Variants in PRXL2A observed in about 807,000 individuals in gnomAD.
PRXL2A encodes the protein peroxiredoxin-like 2A.
PRXL2A carries 26 observed loss-of-function variants against 25.6 expected under a neutral mutation model. That is an observed-to-expected ratio of 1.02 (90% CI 0.74 to 1.41). The LOEUF is 1.41. PRXL2A is among the 40% of genes most tolerant of loss of function. PRXL2A has a pLI of 0.00. For missense variants in PRXL2A, 246 were observed against 273.9 expected, an observed-to-expected ratio of 0.90 and a Z score of 0.72; for synonymous variants, 98 against 102.9, an observed-to-expected ratio of 0.95 and a Z score of 0.29.
In PRXL2A at chr10:80,425,926, G is replaced by A. The variant is rs556273297; in HGVS notation, c.331G>A (p.Ala111Thr). Reference sequence around the variant, plus strand: ...GGACCAGCTGGGCGTCCCCCTCTATGCAGTGGTAAAGGAGCACATCAGGAC... The same window carrying A: ...GGACCAGCTGGGCGTCCCCCTCTATACAGTGGTAAAGGAGCACATCAGGAC... The part of the protein sequence containing the change: ...MLDQLGVPLY[A>T]VVKEHIRTEV... Residue 111 changes from alanine (A) to threonine (T), a missense_variant, in exon 4 of 6, where the codon GCA (alanine) becomes ACA (threonine). Transcript: ENST00000606162. 46 of 1,614,232 alleles carry A rather than the reference G, an allele frequency of 2.8e-5. 1 individual carries two copies. In the South Asian group the frequency reaches 4.6e-4, roughly 16 times the overall value.
In PRXL2A at chr10:80,434,508, G is replaced by A. The variant is rs10887868; in HGVS notation, c.*2409G>A. 0.35 allele frequency: 53,096 copies of A among 152,034 alleles called. 10,910 individuals are homozygous for A. Among genetic ancestry groups the A allele is most frequent in the East Asian group, 0.81 (4,195 of 5,156 alleles). 9.4% of individuals were successfully genotyped at this position (152,034 alleles called of 1,614,324 possible). ...AAAATGGAGACTTAAAAAGCTGGACGCTAAAGGCAATAATGACAGATTTTA... is the reference window on the plus strand; with the variant it reads ...AAAATGGAGACTTAAAAAGCTGGACACTAAAGGCAATAATGACAGATTTTA... On this transcript the variant is annotated 3_prime_UTR_variant, in exon 6 of 6. Coordinates refer to ENST00000606162, the MANE Select transcript of PRXL2A (RefSeq NM_032333.5).
intron 3 of PRXL2A, 111 bp downstream of exon 3, chr10:80,422,619 G>T: frequency 7.3e-6 from 5 of 685,674 alleles, no homozygotes; most frequent in East Asian, 2.7e-5. Context: ...TTACCCACAT[G>T]TTCTGTTCTG....
intron 2 of PRXL2A, among the ~76,000 whole-genome samples, chr10:80,421,067 G>C (rs937156395): frequency 1.3e-5 from 2 of 152,196 alleles, no homozygotes; most frequent in Non-Finnish European, 2.9e-5. Flanking sequence ...AGGAGTTCCT[G>C]AGTGAACAAG....
intron 1 of PRXL2A, among the ~76,000 whole-genome samples, chr10:80,419,577 G>A (rs2131891099): frequency 6.6e-6 from 1 of 151,730 alleles, no homozygotes; most frequent in South Asian, 2.1e-4. Context: ...CAAAGTGCTG[G>A]GATTACAGGC....
intron 1 of PRXL2A, among the ~76,000 whole-genome samples, chr10:80,417,908 A>G (rs927909873): frequency 1.3e-5 from 2 of 151,434 alleles, no homozygotes; most frequent in African/African-American, 4.9e-5. Context: ...GGGTCCTCCC[A>G]TGTTGTCCAG....
upstream of PRXL2A, chr10:80,408,080 T>C (rs1844332563): frequency 6.6e-6 from 1 of 151,746 alleles, no homozygotes; most frequent in South Asian, 2.1e-4. Flanking sequence ...GGGTGGAGGA[T>C]TGAGGTTGGA....
At chr10:80,426,865 T>C (rs977664733) in intron 4 of PRXL2A, among the ~76,000 whole-genome samples, 1 of 152,054 alleles carries the variant, frequency 6.6e-6, no homozygotes, top group African/African-American at 2.4e-5. Flanking sequence ...CTGGATTGGC[T>C]GGGCATGGTG....
intron 1 of PRXL2A, among the ~76,000 whole-genome samples, chr10:80,413,219 C>T (rs10749595): frequency 0.79 from 118,704 of 150,728 alleles, 47,568 homozygotes; most frequent in East Asian, 0.97. Context: ...ACAACCAAGA[C>T]ACCTACAAAA....
At chr10:80,419,387 A>G (rs1310747179) in intron 1 of PRXL2A, among the ~76,000 whole-genome samples, 2 of 143,288 alleles carry the variant, frequency 1.4e-5, no homozygotes, top group African/African-American at 5.2e-5. Context: ...GGCTCACCGC[A>G]ACCTCCGCCT....
chr10:80,416,536 CCTT>C (rs1418420373), intron 1 of PRXL2A, among the ~76,000 whole-genome samples: 1 of 152,106 alleles, frequency 6.6e-6, no homozygotes, highest in African/African-American at 2.4e-5. Flanking sequence ...ATCAGGGAAG[CCTT>C]CTTAAAGAGG....
At chr10:80,410,877 C>T (rs893645834) in intron 1 of PRXL2A, among the ~76,000 whole-genome samples, 8 of 152,176 alleles carry the variant, frequency 5.3e-5, no homozygotes, top group Admixed American at 1.3e-4. Flanking sequence ...GGCCCTACAG[C>T]TTGAGGAAAC....
chr10:80,422,415 A>G lies in PRXL2A; in HGVS notation c.179-2A>G. On this transcript the variant is annotated splice_acceptor_variant, in intron 2 of 5. Coordinates refer to ENST00000606162, the MANE Select transcript of PRXL2A (RefSeq NM_032333.5). LOFTEE classifies it high-confidence loss of function. ...ATCGAATTTCTTTTTTTCCTCTCTT[A>G]GAACCAAGGACTTTCAAAGCAAAGG... 6.2e-7 allele frequency: 1 copy of G among 1,612,914 alleles called. No individual in the cohort carries two copies. The highest frequency in any genetic ancestry group is 8.5e-7 in the Non-Finnish European group (1 of 1,178,936).
At chr10:80,425,390 G>A (rs1300441294) in intron 3 of PRXL2A, among the ~76,000 whole-genome samples, 1 of 152,190 alleles carries the variant, frequency 6.6e-6, no homozygotes, top group Non-Finnish European at 1.5e-5. Flanking sequence ...AGAAACATTT[G>A]GGAATGTAAG....
chr10:80,411,715 G>A (rs117697002), intron 1 of PRXL2A, among the ~76,000 whole-genome samples: 110 of 152,344 alleles, frequency 7.2e-4, no homozygotes, highest in Middle Eastern at 6.8e-3. Flanking sequence ...AGAGAAGGAA[G>A]ATGAAGCATC....
chr10:80,423,615 C>A (rs185753207), intron 3 of PRXL2A, among the ~76,000 whole-genome samples: 1 of 152,290 alleles, frequency 6.6e-6, no homozygotes, highest in Admixed American at 6.5e-5. Context: ...AGTACCCTAC[C>A]CCCAGGGCAC....
In PRXL2A at chr10:80,434,878, G is replaced by GAA. The variant is rs1174757381; in HGVS notation, c.*2781_*2782dup. The GAA allele has an allele frequency of 6.6e-6, 1 of 152,214 alleles. No individual in the cohort carries two copies. The highest frequency in any genetic ancestry group is 1.5e-5 in the Non-Finnish European group (1 of 68,038). 9.4% of individuals were successfully genotyped at this position (152,214 alleles called of 1,614,324 possible). A position where few individuals can be genotyped will look rare whatever the true frequency, so the allele number is the denominator to read the frequency against. On this transcript the variant is annotated 3_prime_UTR_variant, in exon 6 of 6. Coordinates refer to ENST00000606162, the MANE Select transcript of PRXL2A (RefSeq NM_032333.5). ...GATACATATATCCCCCAAAGGGACA[G>GAA]AAAGGATTTACAATTGTAAATTTTA...
Position 80,420,105 on chromosome 10 carries a change from A to G in PRXL2A, c.-2-361A>G, listed in dbSNP as rs76950171. 1.9e-3 allele frequency: 1,928 copies of G among 990,926 alleles called. 20 individuals carry two copies. In the African/African-American group the frequency reaches 0.03, roughly 15 times the overall value. The allele number at this position is 990,926 out of a possible 1,614,324, so 61.4% of individuals were successfully genotyped here. Reference sequence around the variant, plus strand: ...GCATTGATGAGGAGGGGAATGAGGAAGTAGTCTGCCTACAGGGGACATAGC... The same window carrying G: ...GCATTGATGAGGAGGGGAATGAGGAGGTAGTCTGCCTACAGGGGACATAGC... On this transcript the variant is annotated intron_variant, in intron 1 of 5. Transcript: ENST00000606162.
intron 1 of PRXL2A, among the ~76,000 whole-genome samples, chr10:80,414,775 A>G (rs1203746580): frequency 6.6e-6 from 1 of 152,178 alleles, no homozygotes; most frequent in Non-Finnish European, 1.5e-5. Flanking sequence ...GCATCACAAG[A>G]CTGTTGAGTG....
chr10:80,421,430 G>GCGT (rs1844859409), intron 2 of PRXL2A, among the ~76,000 whole-genome samples: 1 of 152,168 alleles, frequency 6.6e-6, no homozygotes, highest in South Asian at 2.1e-4. Flanking sequence ...CTCATTGATG[G>GCGT]CGTGGTCACC....
Sources: allele counts gnomAD v4.1 joint callset (sites outside exome capture counted in the v4.1 genomes callset), GRCh38; gene constraint gnomAD v4.1.1; transcripts MANE v1.5; gene names NCBI Gene and HGNC (gene_info 2026-07-23, HGNC 2026-07-21).